The following DHRS3 variants were observed in gnomAD, a reference collection of about 807,000 sequenced individuals.
The protein encoded by DHRS3 is dehydrogenase/reductase 3, also known as short-chain dehydrogenase/reductase 3.
A neutral mutation model predicts 27.2 loss-of-function variants in DHRS3; 14 were observed. The observed-to-expected ratio is 0.52, with a 90% CI of 0.34 to 0.81. The LOEUF is 0.81. Ranked by LOEUF, DHRS3 falls within the 30% of genes least tolerant of loss-of-function variation. The probability of loss-of-function intolerance (pLI) is 0.01; values close to 1 mark genes in which losing one functional copy is unlikely to be tolerated. For synonymous variants in DHRS3, 165 were observed against 175.9 expected (o/e 0.94, Z 0.49); for missense variants, 322 against 406.2 (o/e 0.79, Z 1.78).
chr1:12,581,900 C>A (rs1646647880), intron 1 of DHRS3, among the ~76,000 whole-genome samples: 1 of 152,160 alleles, frequency 6.6e-6, no homozygotes. Flanking sequence ...ATTTTTGTTT[C>A]TTTTCTCTTT....
At chr1:12,570,672 T>C (rs4846121) in intron 5 of DHRS3, among the ~76,000 whole-genome samples, 32,096 of 152,128 alleles carry the variant, frequency 0.21, 3,796 homozygotes, top group East Asian at 0.44. Context: ...AACTTTTCTC[T>C]AGAAAGCTCT....
intron 5 of DHRS3, among the ~76,000 whole-genome samples, chr1:12,570,925 G>C (rs763079553): frequency 6.6e-6 from 1 of 152,364 alleles, no homozygotes; most frequent in African/African-American, 2.4e-5. Context: ...CCTCAGTTTC[G>C]AGGTTTCTGT....
At position 12,568,038 on chromosome 1, in the gene DHRS3, A is replaced by C. The variant is rs77480273; in HGVS notation, c.*302T>G. 137 of 297,016 alleles carry C rather than the reference A, an allele frequency of 4.6e-4. No individual in the cohort carries two copies. In the East Asian group the frequency reaches 9.8e-3, roughly 21 times the overall value. The allele number at this position is 297,016 out of a possible 1,614,324, so 18.4% of individuals were successfully genotyped here. A position where few individuals can be genotyped will look rare whatever the true frequency, so the allele number is the denominator to read the frequency against. On this transcript the variant is annotated 3_prime_UTR_variant, in exon 6 of 6. Transcript: ENST00000616661. ...AGACCCTCCTGGAAATGGTCTATGC[A>C]CACTGCTGAGGCTGGTTAGACTTGA...
At chr1:12,614,722 TTGC>T (rs1646933204) in intron 1 of DHRS3, among the ~76,000 whole-genome samples, 5 of 141,976 alleles carry the variant, frequency 3.5e-5, no homozygotes, top group African/African-American at 1.3e-4. Context: ...TTTTTTTTTT[TTGC>T]TTTTTGGGGT....
Position 12,578,693 on chromosome 1 carries a change from C to G in DHRS3, c.698+25G>C. The G allele has an allele frequency of 6.3e-7, 1 of 1,598,646 alleles. No homozygotes were observed. Among genetic ancestry groups the G allele is most frequent in the Non-Finnish European group, 8.6e-7 (1 of 1,166,912 alleles). The stretch of plus-strand genomic sequence containing the variant: ...GGGAGGCAGGTGAGAAGGCTGGTCT[C>G]AAGGTGGGTCCCCTGCTCACTGACC... On this transcript the variant is annotated intron_variant, in intron 4 of 5. Coordinates refer to ENST00000616661, the MANE Select transcript of DHRS3 (RefSeq NM_004753.7). The surrounding 1 kb of genome is among the most constrained non-coding windows in gnomAD (Gnocchi z 4.5).
In DHRS3 at chr1:12,577,186, A is replaced by G. The variant is rs137966899; in HGVS notation, c.698+1532T>C. ...TGGATTGCAAAAAACCAGGGAGAAT[A>G]GTATTTGAGTAATTCCCGGTTTTCA... On this transcript the variant is annotated intron_variant, in intron 4 of 5. Transcript: ENST00000616661. 1.4e-3 allele frequency among the ~76,000 whole-genome samples: 216 copies of G among 152,278 alleles called. 8 individuals carry two copies. In the East Asian group the frequency reaches 0.036, roughly 25 times the overall value.
chr1:12,600,746 G>C (rs781022798), intron 1 of DHRS3, among the ~76,000 whole-genome samples: 2 of 152,268 alleles, frequency 1.3e-5, no homozygotes, highest in South Asian at 2.1e-4. Context: ...CTGGCCTCTC[G>C]CACCTGTGAA....
chr1:12,595,811 G>A (rs1646791726), intron 1 of DHRS3, among the ~76,000 whole-genome samples: 1 of 150,682 alleles, frequency 6.6e-6, no homozygotes, highest in Admixed American at 6.6e-5. Context: ...GGCTGCAGAA[G>A]GGGGCTGGGT....
chr1:12,612,463 G>A (rs1053773068), intron 1 of DHRS3, among the ~76,000 whole-genome samples: 4 of 152,148 alleles, frequency 2.6e-5, no homozygotes, highest in African/African-American at 9.7e-5. Context: ...CTTTTGATCA[G>A]GTGGTTTCTT....
intron 1 of DHRS3, among the ~76,000 whole-genome samples, chr1:12,611,912 G>A (rs1646912141): frequency 1.1e-5 from 1 of 90,890 alleles, no homozygotes; most frequent in African/African-American, 4.3e-5. Flanking sequence ...AGCAACATAG[G>A]GAGACTCCCG....
rs1370145746 is a variant in DHRS3, at chr1:12,592,146, G to T, written c.196-11480C>A. 1.3e-5 allele frequency among the ~76,000 whole-genome samples: 2 copies of T among 152,126 alleles called. No individual in the cohort carries two copies. The highest frequency in any genetic ancestry group is 2.9e-5 in the Non-Finnish European group (2 of 68,020). On this transcript the variant is annotated intron_variant, in intron 1 of 5. Coordinates refer to ENST00000616661, the MANE Select transcript of DHRS3 (RefSeq NM_004753.7). The surrounding 1 kb of genome is among the most constrained non-coding windows in gnomAD (Gnocchi z 4.2). ...GGTGGGACTGTGACAAGCACTCACC[G>T]CCACCACAGTGAACAATCTGTGGAC... is the stretch of plus-strand genomic sequence containing the variant.
chr1:12,618,008 G>A lies in DHRS3; in HGVS notation c.-660C>T, dbSNP rs917178016. ...CAGCAACGTGCAGGAGAAGTGGGGG[G>A]TCCGGGTGTCAGTTTCTTTACGTGC... is the stretch of plus-strand genomic sequence containing the variant. On this transcript the variant is annotated 5_prime_UTR_variant, in exon 1 of 6. Coordinates refer to ENST00000616661, the MANE Select transcript of DHRS3 (RefSeq NM_004753.7). This position sits in a 1 kb window ranked among gnomAD's most constrained non-coding sequence, Gnocchi z 4.2. Among the ~76,000 whole-genome samples the A allele has an allele frequency of 3.9e-5, 6 of 152,066 alleles. 1 individual carries two copies. Among genetic ancestry groups the A allele is most frequent in the Admixed American group, 6.5e-5 (1 of 15,276 alleles).
rs1646770410 is a variant in DHRS3 at position 12,594,253 on chromosome 1, G to A, written c.196-13587C>T. ...AGCAAGGCTCGGACTCCAAAGGGAA[G>A]CTCTTTTAACAACCCTGTCCTGCCT... On this transcript the variant is annotated intron_variant, in intron 1 of 5. Transcript: ENST00000616661. The surrounding 1 kb of genome is among the most constrained non-coding windows in gnomAD (Gnocchi z 4.1). Among the ~76,000 whole-genome samples the A allele has an allele frequency of 6.6e-6, 1 of 152,210 alleles. No individual in the cohort carries two copies. The highest frequency in any genetic ancestry group is 2.4e-5 in the African/African-American group (1 of 41,452).
At position 12,586,708 on chromosome 1, in the gene DHRS3, A is replaced by C. The variant is rs1238708088; in HGVS notation, c.196-6042T>G. Among the ~76,000 whole-genome samples, 1 of 152,238 alleles carries C rather than the reference A, an allele frequency of 6.6e-6. No individual in the cohort carries two copies. Among genetic ancestry groups the C allele is most frequent in the Non-Finnish European group, 1.5e-5 (1 of 68,048 alleles). On this transcript the variant is annotated intron_variant, in intron 1 of 5. Coordinates refer to ENST00000616661, the MANE Select transcript of DHRS3 (RefSeq NM_004753.7). This position sits in a 1 kb window ranked among gnomAD's most constrained non-coding sequence, Gnocchi z 5.0. ...TAAAGATAAGGAAACTGCAGTTCAG[A>C]GAGGCTAAGCAACTCGTCTGAGGTC...
intron 1 of DHRS3, among the ~76,000 whole-genome samples, chr1:12,585,132 A>G (rs1348587157): frequency 1.3e-5 from 1 of 78,244 alleles, no homozygotes; most frequent in South Asian, 3.8e-4. Context: ...TGTGAGAGAG[A>G]GTGTGTGTGT....
At chr1:12,601,978 T>C (rs1182482953) in intron 1 of DHRS3, among the ~76,000 whole-genome samples, 1 of 152,172 alleles carries the variant, frequency 6.6e-6, no homozygotes. Flanking sequence ...GCAACAACCA[T>C]TTATTAAGTA....
chr1:12,590,309 T>C (rs543746483), intron 1 of DHRS3, among the ~76,000 whole-genome samples: 9 of 152,218 alleles, frequency 5.9e-5, no homozygotes, highest in African/African-American at 1.7e-4. Context: ...GTTTCTAGAA[T>C]AGTCATTTCT....
rs1455592056 is a variant in DHRS3, at chr1:12,592,461, G to A, written c.196-11795C>T. Among the ~76,000 whole-genome samples, 3 of 152,308 alleles carry A rather than the reference G, an allele frequency of 2.0e-5. No homozygotes were observed. Among genetic ancestry groups the A allele is most frequent in the East Asian group, 1.9e-4 (1 of 5,176 alleles). On this transcript the variant is annotated intron_variant, in intron 1 of 5. Coordinates refer to ENST00000616661, the MANE Select transcript of DHRS3 (RefSeq NM_004753.7). This position sits in a 1 kb window ranked among gnomAD's most constrained non-coding sequence, Gnocchi z 4.2. ...GACATACACAGAGGAGAGGAAGGCC[G>A]CGTGAAGATGGAAGCAGAGACGGCA...
intron 1 of DHRS3, among the ~76,000 whole-genome samples, chr1:12,584,554 TTGAATGAATGAA>T (rs912703706): frequency 6.6e-6 from 1 of 150,490 alleles, no homozygotes; most frequent in Non-Finnish European, 1.5e-5. Context: ...ATTCTGTTTG[TTGAATGAATGAA>T]TGAATGAATG....
Sources: allele counts gnomAD v4.1 joint callset (sites outside exome capture counted in the v4.1 genomes callset), GRCh38; gene constraint gnomAD v4.1.1; non-coding constraint Gnocchi (gnomAD v3.1); transcripts MANE v1.5; gene names NCBI Gene and HGNC (gene_info 2026-07-23, HGNC 2026-07-21).